HDHD2: variants seen among roughly 807,000 people sequenced by gnomAD.
The protein encoded by HDHD2 is haloacid dehalogenase-like hydrolase domain-containing protein 2.
A neutral mutation model predicts 24.8 loss-of-function variants in HDHD2; 26 were observed. The ratio of observed to expected loss-of-function variants is 1.05; its 90% CI spans 0.77 to 1.45. The LOEUF is 1.45. Among genes scored for constraint, HDHD2 ranks in the 40% most tolerant of loss-of-function variants. The probability of loss-of-function intolerance (pLI) is 0.00; values close to 1 mark genes in which losing one functional copy is unlikely to be tolerated. For missense variants in HDHD2, 299 were observed against 313.4 expected (o/e 0.95, Z 0.35); for synonymous variants, 128 against 114.9 (o/e 1.11, Z -0.73).
chr18:47,138,171 CAAAAAAAAAAAAAAA>C (rs58644217), intron 1 of HDHD2, among the ~76,000 whole-genome samples: 19 of 54,888 alleles, frequency 3.5e-4, no homozygotes, highest in African/African-American at 3.2e-4. Flanking sequence ...GATTCTGTCG[CAAAAAAAAAAAAAAA>C]AAAAAAAAAA....
In HDHD2 at chr18:47,134,723, A is replaced by T. The variant is rs781079131; in HGVS notation, c.102-19T>A. On this transcript the variant is annotated intron_variant, in intron 2 of 6. Transcript: ENST00000300605. The stretch of plus-strand genomic sequence containing the variant: ...ACGTAACCTGGAGAGGGCCAAATTC[A>T]GAAGTCAAAAGGCAGCTTTTACATT... The T allele has an allele frequency of 1.3e-6, 2 of 1,593,798 alleles. No homozygotes were observed. Among genetic ancestry groups the T allele is most frequent in the Non-Finnish European group, 1.7e-6 (2 of 1,163,838 alleles).
intron 2 of HDHD2, among the ~76,000 whole-genome samples, chr18:47,134,953 C>G (rs1257054952): frequency 6.6e-6 from 1 of 152,202 alleles, no homozygotes; most frequent in Non-Finnish European, 1.5e-5. Context: ...AGTAAAAGCT[C>G]TGTCCAACAA....
chr18:47,140,986 T>C (rs1278930848), intron 1 of HDHD2, among the ~76,000 whole-genome samples: 12 of 152,232 alleles, frequency 7.9e-5, no homozygotes, highest in Non-Finnish European at 2.9e-5. Flanking sequence ...TTCTGTTTTA[T>C]TATTCTAGTT....
rs1478149461 is a variant in HDHD2, at chr18:47,134,567, CT to C, written c.238del (p.Arg80GlufsTer4). 6.8e-6 allele frequency: 11 copies of C among 1,614,072 alleles called. No individual in the cohort carries two copies. The highest frequency in any genetic ancestry group is 9.3e-6 in the Non-Finnish European group (11 of 1,180,024). ...DEIFTSLTAA[R>X]SLLERKQVRP... ...GACTTGTTTCCGCTCTAGTAAACTT[CT>C]GGCTGCAGTCAGAGATGTGAATATT... On this transcript the variant is annotated frameshift_variant, in exon 3 of 7. Coordinates refer to ENST00000300605, the MANE Select transcript of HDHD2 (RefSeq NM_032124.5). LOFTEE classifies it high-confidence loss of function.
intron 3 of HDHD2, among the ~76,000 whole-genome samples, chr18:47,132,173 C>G (rs766330350): frequency 1.3e-5 from 2 of 152,138 alleles, no homozygotes; most frequent in Admixed American, 1.3e-4. Context: ...ATTTTCTTCT[C>G]ATTTTCCTAT....
At position 47,134,570 on chromosome 18, in the gene HDHD2, G is replaced by C; in HGVS notation, c.236C>G (p.Ala79Gly). 1.2e-6 allele frequency: 2 copies of C among 1,613,848 alleles called. No individual in the cohort carries two copies. Among genetic ancestry groups the C allele is most frequent in the Non-Finnish European group, 1.7e-6 (2 of 1,179,824 alleles). Reference sequence around the variant, plus strand: ...TTGTTTCCGCTCTAGTAAACTTCTGGCTGCAGTCAGAGATGTGAATATTTC... The same window carrying C: ...TTGTTTCCGCTCTAGTAAACTTCTGCCTGCAGTCAGAGATGTGAATATTTC... ...EDEIFTSLTA[A>G]RSLLERKQVR... The change falls in exon 3 of 7, where the codon GCC (alanine) becomes GGC (glycine). Residue 79 changes from alanine (A) to glycine (G), a missense_variant. Physicochemically the swap from Ala to Gly is moderately conservative, Grantham distance 60. Coordinates refer to ENST00000300605, the MANE Select transcript of HDHD2 (RefSeq NM_032124.5).
chr18:47,135,907 T>C (rs932246697), intron 2 of HDHD2, among the ~76,000 whole-genome samples: 3 of 152,246 alleles, frequency 2.0e-5, no homozygotes, highest in African/African-American at 7.2e-5. Flanking sequence ...TCAAGTTCTT[T>C]AGCTAAACTT....
chr18:47,140,424 A>G (rs887437550), intron 1 of HDHD2, among the ~76,000 whole-genome samples: 5 of 152,196 alleles, frequency 3.3e-5, no homozygotes, highest in Non-Finnish European at 7.3e-5. Flanking sequence ...GCTATATTAA[A>G]TTATTTTAAA....
intron 1 of HDHD2, among the ~76,000 whole-genome samples, chr18:47,148,210 C>T (rs1187766522): frequency 1.3e-5 from 2 of 152,088 alleles, no homozygotes; most frequent in Non-Finnish European, 2.9e-5. Flanking sequence ...AGGATGGTCT[C>T]GAACTGGTGA....
intron 1 of HDHD2, among the ~76,000 whole-genome samples, chr18:47,146,551 T>C (rs568825698): frequency 1.8e-4 from 28 of 152,146 alleles, no homozygotes; most frequent in Non-Finnish European, 2.9e-4. Flanking sequence ...AAGACGTCTA[T>C]AGCAGCACCA....
intron 4 of HDHD2, among the ~76,000 whole-genome samples, 153 bp downstream of exon 4, chr18:47,130,091 C>T (rs920972319): frequency 1.3e-5 from 2 of 152,162 alleles, no homozygotes; most frequent in Admixed American, 6.5e-5. Context: ...GATAGTAATA[C>T]ATATTATTTG....
At chr18:47,125,149 A>G (rs1016964694) in intron 4 of HDHD2, among the ~76,000 whole-genome samples, 2 of 152,104 alleles carry the variant, frequency 1.3e-5, no homozygotes, top group African/African-American at 4.8e-5. Flanking sequence ...GTGACAGAGC[A>G]AGACCCTGTC....
chr18:47,132,264 G>A (rs976884950), intron 3 of HDHD2, among the ~76,000 whole-genome samples: 1 of 152,078 alleles, frequency 6.6e-6, no homozygotes, highest in East Asian at 1.9e-4. Flanking sequence ...TCAAGAGATA[G>A]AACTTTTCAT....
At chr18:47,119,656 T>C (rs1568046630) in intron 4 of HDHD2, among the ~76,000 whole-genome samples, 2 of 152,244 alleles carry the variant, frequency 1.3e-5, no homozygotes, top group Non-Finnish European at 2.9e-5. Flanking sequence ...TCCAAACTCC[T>C]GTTGATGTTG....
At chr18:47,143,884 A>T (rs2063842190) in intron 1 of HDHD2, among the ~76,000 whole-genome samples, 1 of 152,190 alleles carries the variant, frequency 6.6e-6, no homozygotes, top group Non-Finnish European at 1.5e-5. Context: ...ATCTTGAGCA[A>T]TGTAGAAGCT....
At position 47,150,375 on chromosome 18, in the gene HDHD2, C is replaced by T. The variant is rs995403740; in HGVS notation, c.-11+3G>A. On this transcript the variant is annotated splice_donor_region_variant and intron_variant, in intron 1 of 6. Transcript: ENST00000300605. The stretch of plus-strand genomic sequence containing the variant: ...CCTCTTCAGTCCTACAGCGGCTTCT[C>T]ACCCACACTCCGTACGCCGTCCTCA... 27 of 152,544 alleles carry T rather than the reference C, an allele frequency of 1.8e-4. No homozygotes were observed. The highest frequency in any genetic ancestry group is 6.5e-4 in the African/African-American group (27 of 41,598). The allele number at this position is 152,544 out of a possible 1,614,324, so 9.4% of individuals were successfully genotyped here.
At chr18:47,109,615 G>A (rs1250043017) in intron 6 of HDHD2, 1 of 152,162 alleles carries the variant, frequency 6.6e-6, no homozygotes, top group Non-Finnish European at 1.5e-5. Flanking sequence ...GGCTCACCAG[G>A]CTGCAGTCCC....
intron 6 of HDHD2, among the ~76,000 whole-genome samples, chr18:47,112,744 T>C (rs1277128979): frequency 6.6e-6 from 1 of 152,204 alleles, no homozygotes; most frequent in East Asian, 1.9e-4. Context: ...CAACCAGGAA[T>C]GGTTACCTCT....
intron 4 of HDHD2, 116 bp downstream of exon 4, chr18:47,130,128 A>G (rs2063698767): frequency 1.7e-6 from 1 of 602,622 alleles, no homozygotes; most frequent in South Asian, 2.4e-5. Flanking sequence ...TGTCTATCCT[A>G]ATGTACAATT....
Sources: gnomAD v4.1 joint callset for allele counts (sites outside exome capture counted in the v4.1 genomes callset) on GRCh38, gnomAD v4.1.1 for gene constraint, MANE v1.5 for transcripts, NCBI Gene and HGNC (gene_info 2026-07-23, HGNC 2026-07-21) for gene names.